Variants in ZNF334 observed in about 807,000 individuals in gnomAD.
ZNF334 encodes the protein zinc finger protein 334.
In ZNF334, 14 loss-of-function variants were observed where a neutral mutation model predicts 12.4. That is an observed-to-expected ratio of 1.13 (90% confidence interval 0.74 to 1.76). The LOEUF (loss-of-function observed/expected upper bound fraction) is 1.76, where lower values mean the gene tolerates loss of function less well. Ranked by LOEUF, ZNF334 falls within the 40% of genes most tolerant of loss-of-function variation. The probability of loss-of-function intolerance (pLI) is 0.00; values close to 1 mark genes in which losing one functional copy is unlikely to be tolerated. For missense variants in ZNF334, 797 were observed against 804.5 expected (o/e 0.99, Z 0.11); for synonymous variants, 273 against 269.6 (o/e 1.01, Z -0.12).
chr20:46,463,479 C>T, the ZNF334 span, among the ~76,000 whole-genome samples: 1 of 152,192 alleles, frequency 6.6e-6, no homozygotes, highest in East Asian at 1.9e-4. Context: ...GAGCAGAAGG[C>T]TCTTTAGAAG....
At chr20:46,483,925 G>A in the ZNF334 span, among the ~76,000 whole-genome samples, 1 of 152,088 alleles carries the variant, frequency 6.6e-6, no homozygotes, top group African/African-American at 2.4e-5. Context: ...ATATACTTGG[G>A]AGACCTGACA....
chr20:46,500,741 A>G lies in ZNF334; in HGVS notation c.*555T>C, dbSNP rs904740492. On this transcript the variant is annotated 3_prime_UTR_variant, in exon 5 of 5. Transcript: ENST00000692313. ...GCTTTACAAAATGCTCACCTGGGGTATAATTACCATGGGTGCATAGAGTAC... is the reference window on the plus strand; with the variant it reads ...GCTTTACAAAATGCTCACCTGGGGTGTAATTACCATGGGTGCATAGAGTAC... The G allele has an allele frequency of 1.3e-5, 2 of 153,416 alleles. No homozygotes were observed. Among genetic ancestry groups the G allele is most frequent in the African/African-American group, 4.8e-5 (2 of 41,466 alleles). 9.5% of individuals were successfully genotyped at this position (153,416 alleles called of 1,614,324 possible).
At chr20:46,481,957 TG>T in the ZNF334 span, among the ~76,000 whole-genome samples, 1 of 151,962 alleles carries the variant, frequency 6.6e-6, no homozygotes, top group Non-Finnish European at 1.5e-5. Context: ...GATCTTCAGA[TG>T]GGGGGTTTCT....
the ZNF334 span, among the ~76,000 whole-genome samples, chr20:46,486,909 G>C: frequency 2.0e-5 from 3 of 151,946 alleles, no homozygotes; most frequent in Admixed American, 6.6e-5. Context: ...TGATATTCTC[G>C]TCATCCACTC....
chr20:46,501,666 G>A lies in ZNF334; in HGVS notation c.1673C>T (p.Ala558Val), dbSNP rs756043126. The A allele has an allele frequency of 6.2e-7, 1 of 1,614,076 alleles. No individual in the cohort carries two copies. Among genetic ancestry groups the A allele is most frequent in the Admixed American group, 1.7e-5 (1 of 60,022 alleles). Residue 558 changes from alanine (A) to valine (V), a missense_variant, in exon 5 of 5, where the codon GCC becomes GTC. Transcript: ENST00000692313. ...ECGRTYCRKS[A>V]LTHHQRTHTG... ...GTGTGTTCTCTGATGGTGAGTCAGG[G>A]CTGACTTCCTGCAGTAGGTTCTCCC...
the ZNF334 span, among the ~76,000 whole-genome samples, chr20:46,471,065 C>T: frequency 6.6e-6 from 1 of 152,210 alleles, no homozygotes; most frequent in South Asian, 2.1e-4. Flanking sequence ...AAAATACACT[C>T]TTCACCAACA....
At chr20:46,494,463 G>A in the ZNF334 span, among the ~76,000 whole-genome samples, 1 of 152,140 alleles carries the variant, frequency 6.6e-6, no homozygotes, top group African/African-American at 2.4e-5. Flanking sequence ...AGGTGTATGT[G>A]TATATATAGC....
chr20:46,487,896 G>A, the ZNF334 span, among the ~76,000 whole-genome samples: 1 of 152,170 alleles, frequency 6.6e-6, no homozygotes, highest in South Asian at 2.1e-4. Context: ...GGGTCTCAAT[G>A]GGGAGAAGGG....
At chr20:46,477,590 GC>G in the ZNF334 span, among the ~76,000 whole-genome samples, 1 of 152,218 alleles carries the variant, frequency 6.6e-6, no homozygotes, top group Admixed American at 6.5e-5. Flanking sequence ...TCCTGCCTCA[GC>G]CCTGTAAAGT....
At chr20:46,470,042 T>C in the ZNF334 span, among the ~76,000 whole-genome samples, 1 of 152,136 alleles carries the variant, frequency 6.6e-6, no homozygotes, top group Non-Finnish European at 1.5e-5. Context: ...GTATTTAAAA[T>C]AGTAGAGCTC....
chr20:46,484,785 A>G, the ZNF334 span, among the ~76,000 whole-genome samples: 1 of 152,160 alleles, frequency 6.6e-6, no homozygotes, highest in Non-Finnish European at 1.5e-5. Context: ...TGTCCTCAAA[A>G]TCATCACACC....
intron 4 of ZNF334, 46 bp from the exon 5 acceptor site, chr20:46,503,143 G>T (rs2061311173): frequency 1.3e-6 from 2 of 1,517,352 alleles, no homozygotes; most frequent in Non-Finnish European, 1.8e-6. Context: ...GCCTTTATAT[G>T]TTTGCTATGA....
In ZNF334 at chr20:46,502,950, C is replaced by T. The variant is rs6011974; in HGVS notation, c.389G>A (p.Arg130Lys). 6.2e-7 allele frequency: 1 copy of T among 1,613,946 alleles called. No individual in the cohort carries two copies. The highest frequency in any genetic ancestry group is 8.5e-7 in the Non-Finnish European group (1 of 1,179,942). Residue 130 changes from arginine to lysine, a missense_variant, in exon 5 of 5, where the codon AGA (arginine) becomes AAA (lysine). Arg to Lys is a conservative substitution (Grantham distance 26). Transcript: ENST00000692313. ...TGGATTACATTTATAGGGCATTTTT[C>T]TTGAGGGAACACTATTCATGCCCAG... ...LNLGMNSVPSRKMPYKCNPGG... is the reference protein window; with the variant it reads ...LNLGMNSVPSKKMPYKCNPGG...
the ZNF334 span, among the ~76,000 whole-genome samples, chr20:46,473,040 A>G: frequency 1.3e-5 from 2 of 152,212 alleles, no homozygotes; most frequent in African/African-American, 4.8e-5. Flanking sequence ...CATATTTTCT[A>G]TCTCTTTCTG....
At chr20:46,463,374 G>A in the ZNF334 span, among the ~76,000 whole-genome samples, 3 of 152,228 alleles carry the variant, frequency 2.0e-5, no homozygotes, top group South Asian at 6.2e-4. Flanking sequence ...CACAGAGCAA[G>A]TTGGACAGGG....
the ZNF334 span, among the ~76,000 whole-genome samples, chr20:46,475,545 T>C: frequency 6.6e-6 from 1 of 151,740 alleles, no homozygotes; most frequent in Non-Finnish European, 1.5e-5. Flanking sequence ...TGGTATCTAA[T>C]ATATACAAAG....
At chr20:46,499,173 CAAAAAAAAAAAA>C (rs61489091), downstream of ZNF334, among the ~76,000 whole-genome samples, 6 of 59,810 alleles carry the variant, frequency 1.0e-4, no homozygotes, top group South Asian at 1.1e-3. Flanking sequence ...GACTCCGTCT[CAAAAAAAAAAAA>C]AAAAAAAAAA....
the ZNF334 span, among the ~76,000 whole-genome samples, chr20:46,483,536 G>A: frequency 3.3e-5 from 5 of 152,034 alleles, no homozygotes; most frequent in Non-Finnish European, 5.9e-5. Flanking sequence ...TATTTCATCT[G>A]GAACATAGTC....
chr20:46,476,775 A>G, the ZNF334 span, among the ~76,000 whole-genome samples: 1 of 152,104 alleles, frequency 6.6e-6, no homozygotes, highest in Non-Finnish European at 1.5e-5. Flanking sequence ...GCTTGTTTAT[A>G]TTAAGCATTT....
Sources: gnomAD v4.1 joint callset for allele counts (sites outside exome capture counted in the v4.1 genomes callset) on GRCh38, gnomAD v4.1.1 for gene constraint, MANE v1.5 for transcripts, NCBI Gene and HGNC (gene_info 2026-07-23, HGNC 2026-07-21) for gene names.